DPY30: variants seen among roughly 807,000 people sequenced by gnomAD.
DPY30 encodes the protein protein dpy-30 homolog.
Under a neutral mutation model 16.2 loss-of-function variants are expected in DPY30, and 6 were observed. The observed-to-expected ratio is 0.37, with a 90% CI of 0.20 to 0.73. The LOEUF is 0.73. Ranked by LOEUF, DPY30 falls within the 30% of genes least tolerant of loss-of-function variation. The pLI is 0.51. For missense variants in DPY30, 73 were observed against 113.1 expected (o/e 0.65, Z 1.61); for synonymous variants, 39 against 38.8 (o/e 1.00, Z -0.02).
At chr2:32,035,081 C>T (rs1014464557) in intron 3 of DPY30, among the ~76,000 whole-genome samples, 4 of 151,174 alleles carry the variant, frequency 2.6e-5, no homozygotes, top group African/African-American at 9.7e-5. Flanking sequence ...TACACTCCAG[C>T]CTGGGGGACA....
chr2:32,029,714 A>G lies in DPY30; in HGVS notation c.107T>C (p.Ile36Thr), dbSNP rs1675462348. 6.2e-7 allele frequency: 1 copy of G among 1,613,986 alleles called. No individual in the cohort carries two copies. The highest frequency in any genetic ancestry group is 1.1e-5 in the South Asian group (1 of 91,088). The change falls in exon 4 of 5, where the codon ATT becomes ACT. Residue 36 changes from isoleucine (I) to threonine (T), a missense_variant. Physicochemically the swap from Ile to Thr is moderately conservative, Grantham distance 89 (BLOSUM62 -1). Coordinates refer to ENST00000342166, the MANE Select transcript of DPY30 (RefSeq NM_001321209.2). The part of the protein sequence containing the change: ...NVERIVENEK[I>T]NAEKSSKQKV... ...CTGCTTTGATGACTTTTCTGCATTAATCTTCTCATTTTCTACTATTCTCTA... is the reference window on the plus strand; with the variant it reads ...CTGCTTTGATGACTTTTCTGCATTAGTCTTCTCATTTTCTACTATTCTCTA...
chr2:32,025,847 C>G (rs1675314344), intron 4 of DPY30, among the ~76,000 whole-genome samples: 1 of 151,234 alleles, frequency 6.6e-6, no homozygotes, highest in African/African-American at 2.4e-5. Context: ...GTGGCTCACG[C>G]TTATAATCCT....
downstream of DPY30, chr2:32,023,341 C>T (rs1322281812): frequency 1.1e-5 from 5 of 449,208 alleles, no homozygotes; most frequent in African/African-American, 8.1e-5. Flanking sequence ...AAAGGACTGG[C>T]TGCTGCTTTT....
intron 3 of DPY30, among the ~76,000 whole-genome samples, chr2:32,031,760 G>C (rs1361180189): frequency 1.3e-5 from 2 of 151,962 alleles, no homozygotes; most frequent in Non-Finnish European, 2.9e-5. Flanking sequence ...GGACGTAGTA[G>C]TGCGCGCCTG....
intron 3 of DPY30, among the ~76,000 whole-genome samples, chr2:32,035,870 G>A (rs1478438877): frequency 6.7e-6 from 1 of 149,218 alleles, no homozygotes; most frequent in Non-Finnish European, 1.5e-5. Context: ...GGAGGCAGAG[G>A]TTACAGTAAG....
chr2:32,035,584 A>C (rs1441446149), intron 3 of DPY30, among the ~76,000 whole-genome samples: 1 of 150,814 alleles, frequency 6.6e-6, no homozygotes, highest in Non-Finnish European at 1.5e-5. Flanking sequence ...GCAAGATTTC[A>C]TCTTATTAAA....
intron 3 of DPY30, among the ~76,000 whole-genome samples, chr2:32,034,129 A>C (rs1675650077): frequency 6.6e-6 from 1 of 152,230 alleles, no homozygotes; most frequent in African/African-American, 2.4e-5. Context: ...GCACAGAAAG[A>C]GACTAAACAT....
intron 5 of DPY30, among the ~76,000 whole-genome samples, chr2:32,015,849 T>TAAAA (rs751298889): frequency 1.7e-5 from 2 of 119,740 alleles, no homozygotes; most frequent in African/African-American, 6.2e-5. Context: ...AGACCCTGTC[T>TAAAA]AAAAAAAAAA....
chr2:32,025,444 C>T (rs1263883122), intron 4 of DPY30, among the ~76,000 whole-genome samples: 4 of 151,322 alleles, frequency 2.6e-5, no homozygotes, highest in African/African-American at 9.7e-5. Context: ...GCCTGGGCGA[C>T]AGAGCAAGAT....
chr2:32,038,769 AC>A lies in DPY30; in HGVS notation c.84+509del, dbSNP rs1323564458. On this transcript the variant is annotated intron_variant, in intron 3 of 4. Coordinates refer to ENST00000342166, the MANE Select transcript of DPY30 (RefSeq NM_001321209.2). The stretch of plus-strand genomic sequence containing the variant: ...TTCAAGAGATTCTCTGGCCTCAGCC[AC>A]CCGAACAGATAGGATTACAGTCATC... 6.9e-5 allele frequency among the ~76,000 whole-genome samples: 10 copies of A among 145,074 alleles called. No individual in the cohort carries two copies. The East Asian group carries it at 2.1e-3, about 30-fold the overall frequency.
chr2:32,026,560 G>A (rs1157326549), intron 4 of DPY30, among the ~76,000 whole-genome samples: 1 of 152,202 alleles, frequency 6.6e-6, no homozygotes, highest in African/African-American at 2.4e-5. Flanking sequence ...GGAGGCCGAG[G>A]CAGGCAGATC....
downstream of DPY30, among the ~76,000 whole-genome samples, chr2:32,023,081 G>GC (rs765652585): frequency 1.3e-5 from 2 of 151,592 alleles, no homozygotes; most frequent in African/African-American, 2.4e-5. Context: ...ACTTTGGGGG[G>GC]CCAAGGCAGG....
At chr2:32,016,970 C>A (rs1039905092) in intron 5 of DPY30, among the ~76,000 whole-genome samples, 5 of 152,032 alleles carry the variant, frequency 3.3e-5, no homozygotes, top group African/African-American at 1.2e-4. Flanking sequence ...GCAGCCTCCG[C>A]CTCCCGGGTT....
At chr2:32,012,284 T>C (rs1031081436) in intron 5 of DPY30, among the ~76,000 whole-genome samples, 1 of 151,980 alleles carries the variant, frequency 6.6e-6, no homozygotes, top group Non-Finnish European at 1.5e-5. Flanking sequence ...CTCTCATACC[T>C]TTTTCTAATT....
At chr2:32,011,735 A>G (rs1292688981), downstream of DPY30, among the ~76,000 whole-genome samples, 2 of 152,224 alleles carry the variant, frequency 1.3e-5, no homozygotes, top group Non-Finnish European at 2.9e-5. Flanking sequence ...ACATCCAATG[A>G]AAGTTTTGGG....
chr2:32,022,377 A>C (rs1280023772), downstream of DPY30, among the ~76,000 whole-genome samples: 1 of 152,172 alleles, frequency 6.6e-6, no homozygotes, highest in Admixed American at 6.6e-5. Context: ...GGTTTTTCCT[A>C]TTCAAATATG....
intron 3 of DPY30, among the ~76,000 whole-genome samples, chr2:32,037,864 T>C (rs1675805815): frequency 6.6e-6 from 1 of 151,942 alleles, no homozygotes; most frequent in African/African-American, 2.4e-5. Flanking sequence ...GTATGCTTTA[T>C]TAAAAAAAAC....
chr2:32,032,556 G>A (rs529927879), intron 3 of DPY30, among the ~76,000 whole-genome samples: 2 of 152,234 alleles, frequency 1.3e-5, no homozygotes, highest in African/African-American at 2.4e-5. Context: ...CACAGTATAC[G>A]TATACAATAA....
intron 5 of DPY30, among the ~76,000 whole-genome samples, chr2:32,012,737 C>A (rs1674987772): frequency 6.6e-6 from 1 of 152,116 alleles, no homozygotes; most frequent in African/African-American, 2.4e-5. Context: ...CGCACCCAGG[C>A]CAAAGCTACT....
Sources: allele counts gnomAD v4.1 joint callset (sites outside exome capture counted in the v4.1 genomes callset), GRCh38; gene constraint gnomAD v4.1.1; transcripts MANE v1.5; gene names NCBI Gene and HGNC (gene_info 2026-07-23, HGNC 2026-07-21).